PARD3B: variants seen among roughly 807,000 people sequenced by gnomAD.
The protein encoded by PARD3B is par-3 family cell polarity regulator beta.
PARD3B carries 103 observed loss-of-function variants against 130.2 expected under a neutral mutation model. The observed-to-expected ratio is 0.79, with a 90% CI of 0.67 to 0.93. The LOEUF is 0.93. Among genes scored for constraint, PARD3B ranks in the 40% least tolerant of loss-of-function variants. The probability of loss-of-function intolerance (pLI) is 0.00; values close to 1 mark genes in which losing one functional copy is unlikely to be tolerated. For synonymous variants in PARD3B, 583 were observed against 553.2 expected, an observed-to-expected ratio of 1.05 and a Z score of -0.76; for missense variants, 1,609 against 1,499.2, an observed-to-expected ratio of 1.07 and a Z score of -1.21.
intron 4 of PARD3B, among the ~76,000 whole-genome samples, chr2:205,055,509 T>A (rs1434141433): frequency 6.6e-6 from 1 of 152,206 alleles, no homozygotes; most frequent in Non-Finnish European, 1.5e-5. Flanking sequence ...ATGTTTAAAG[T>A]AGTTTTATTT....
intron 1 of PARD3B, among the ~76,000 whole-genome samples, chr2:204,574,395 G>A (rs1341302626): frequency 1.3e-5 from 2 of 151,946 alleles, no homozygotes; most frequent in Admixed American, 1.3e-4. Context: ...TAGCTCTCTG[G>A]TTTTGACAGA....
intron 16 of PARD3B, among the ~76,000 whole-genome samples, chr2:205,296,515 G>C (rs1186201845): frequency 6.6e-6 from 1 of 152,130 alleles, no homozygotes; most frequent in African/African-American, 2.4e-5. Flanking sequence ...CGGTTTCTCA[G>C]CATCTTAAGA....
At chr2:204,660,138 T>C (rs1391878275) in intron 1 of PARD3B, among the ~76,000 whole-genome samples, 1 of 152,188 alleles carries the variant, frequency 6.6e-6, no homozygotes, top group East Asian at 1.9e-4. Flanking sequence ...TCTGCTTCCC[T>C]TGGGGAAGAA....
chr2:205,515,108 G>A (rs1000591530), intron 21 of PARD3B, among the ~76,000 whole-genome samples: 3 of 152,020 alleles, frequency 2.0e-5, no homozygotes, highest in South Asian at 2.1e-4. Flanking sequence ...TTCTGTTCCT[G>A]CATTAGTTTG....
intron 18 of PARD3B, among the ~76,000 whole-genome samples, chr2:205,326,150 C>G (rs1271359452): frequency 6.6e-6 from 1 of 152,128 alleles, no homozygotes; most frequent in African/African-American, 2.4e-5. Flanking sequence ...TTGATTTGGC[C>G]TTTATTATAC....
chr2:205,081,889 A>G (rs777512329), intron 4 of PARD3B, among the ~76,000 whole-genome samples: 1 of 152,060 alleles, frequency 6.6e-6, no homozygotes, highest in Non-Finnish European at 1.5e-5. Flanking sequence ...TGGTAATGCT[A>G]GTTTATATAA....
intron 2 of PARD3B, among the ~76,000 whole-genome samples, chr2:204,786,611 A>C (rs1354171257): frequency 2.0e-5 from 3 of 151,760 alleles, no homozygotes; most frequent in Non-Finnish European, 2.9e-5. Context: ...CTGGCTAATA[A>C]GTTTTTTGTC....
intron 1 of PARD3B, among the ~76,000 whole-genome samples, chr2:204,574,762 G>C (rs908458810): frequency 1.3e-4 from 20 of 152,156 alleles, no homozygotes; most frequent in Non-Finnish European, 2.8e-4. Flanking sequence ...TGTGTCTTCT[G>C]TATCATGTCT....
intron 15 of PARD3B, among the ~76,000 whole-genome samples, chr2:205,198,991 G>C (rs2036844278): frequency 6.6e-6 from 1 of 152,002 alleles, no homozygotes; most frequent in Non-Finnish European, 1.5e-5. Flanking sequence ...AAAAGAACCT[G>C]TTTTGTAAAG....
In PARD3B at chr2:205,152,001, A is replaced by C. The variant is rs992243256; in HGVS notation, c.1435-6721A>C. 3.9e-5 allele frequency among the ~76,000 whole-genome samples: 6 copies of C among 152,128 alleles called. No homozygotes were observed. The South Asian group carries it at 8.3e-4, about 21-fold the overall frequency. On this transcript the variant is annotated intron_variant, in intron 10 of 22. Coordinates refer to ENST00000406610, the MANE Select transcript of PARD3B (RefSeq NM_001302769.2). ...CATTTGCTTCTCCGTAAAGGATTTT[A>C]TTTCTCCTTCACTTATGAAGCTTAG...
Position 205,460,714 on chromosome 2 carries a change from A to G in PARD3B, c.3044+20042A>G, listed in dbSNP as rs1195324703. 6.6e-6 allele frequency among the ~76,000 whole-genome samples: 1 copy of G among 152,174 alleles called. No individual in the cohort carries two copies. The highest frequency in any genetic ancestry group is 1.9e-4 in the East Asian group (1 of 5,198). On this transcript the variant is annotated intron_variant, in intron 20 of 22. Coordinates refer to ENST00000406610, the MANE Select transcript of PARD3B (RefSeq NM_001302769.2). The surrounding 1 kb of genome is among the most constrained non-coding windows in gnomAD (Gnocchi z 4.9). ...ATGAAGGTGATACCGTATCTCATAA[A>G]ATTCACAGAGGCCTGAATGAGTTAA...
At chr2:204,936,338 A>G (rs1328463064) in intron 2 of PARD3B, among the ~76,000 whole-genome samples, 3 of 152,208 alleles carry the variant, frequency 2.0e-5, no homozygotes, top group African/African-American at 7.2e-5. Context: ...CCATGGTTTG[A>G]AAACAGTACA....
intron 21 of PARD3B, among the ~76,000 whole-genome samples, chr2:205,505,434 G>T (rs2050324344): frequency 6.6e-6 from 1 of 152,014 alleles, no homozygotes; most frequent in African/African-American, 2.4e-5. Context: ...CACACTGTAA[G>T]GTTTGTAAAT....
intron 4 of PARD3B, among the ~76,000 whole-genome samples, chr2:205,063,218 G>A (rs761156756): frequency 1.3e-5 from 2 of 151,886 alleles, no homozygotes; most frequent in Non-Finnish European, 2.9e-5. Flanking sequence ...TAGCTATTTT[G>A]AAGTATATAA....
Position 205,176,551 on chromosome 2 carries a change from C to T in PARD3B, c.1898C>T (p.Thr633Ile), listed in dbSNP as rs762368872. ...AATAGTATCCTGCATCCACTTGGCA[C>T]TTGCAGTCCACAAGACAAACAGAAA... ...NDNSILHPLGTCSPQDKQKGL... is the reference protein window; with the variant it reads ...NDNSILHPLGICSPQDKQKGL... Residue 633 changes from threonine to isoleucine, a missense_variant, in exon 13 of 23, where the codon ACT (threonine) becomes ATT (isoleucine). Physicochemically the swap from Thr to Ile is moderately conservative, Grantham distance 89. Transcript: ENST00000406610. The surrounding 1 kb of genome is among the most constrained non-coding windows in gnomAD (Gnocchi z 5.3). 1.2e-6 allele frequency: 2 copies of T among 1,611,328 alleles called. No individual in the cohort carries two copies. Among genetic ancestry groups the T allele is most frequent in the Admixed American group, 1.7e-5 (1 of 59,696 alleles).
At chr2:204,605,777 T>C (rs1004494199) in intron 1 of PARD3B, among the ~76,000 whole-genome samples, 6 of 152,188 alleles carry the variant, frequency 3.9e-5, no homozygotes, top group Non-Finnish European at 8.8e-5. Context: ...GAAGAGGATA[T>C]ACAATGTCAT....
At chr2:205,293,734 GA>G (rs2041691948) in intron 16 of PARD3B, 3 of 152,204 alleles carry the variant, frequency 2.0e-5, no homozygotes, top group Admixed American at 2.0e-4. Flanking sequence ...TTGAGGAAGT[GA>G]AGCAATTGTG....
In PARD3B at chr2:204,620,878, C is replaced by A. The variant is rs561741602; in HGVS notation, c.121-65303C>A. Among the ~76,000 whole-genome samples, 14 of 152,132 alleles carry A rather than the reference C, an allele frequency of 9.2e-5. No homozygotes were observed. The South Asian group carries it at 2.9e-3, about 32-fold the overall frequency. On this transcript the variant is annotated intron_variant, in intron 1 of 22. Transcript: ENST00000406610. Reference sequence around the variant, plus strand: ...CAGAGGAGTTTGAAGAAGTTGCGTCCGTTATTCTGAGTGCCCTTTCCCTAT... The same window carrying A: ...CAGAGGAGTTTGAAGAAGTTGCGTCAGTTATTCTGAGTGCCCTTTCCCTAT...
chr2:204,732,252 A>G (rs1338642379), intron 2 of PARD3B, among the ~76,000 whole-genome samples: 2 of 152,272 alleles, frequency 1.3e-5, no homozygotes, highest in East Asian at 3.9e-4. Context: ...TCTTAGACGC[A>G]GTACCACTCC....
Sources: gnomAD v4.1 joint callset for allele counts (sites outside exome capture counted in the v4.1 genomes callset) on GRCh38, gnomAD v4.1.1 for gene constraint, Gnocchi (gnomAD v3.1) non-coding constraint, MANE v1.5 for transcripts, NCBI Gene and HGNC (gene_info 2026-07-23, HGNC 2026-07-21) for gene names.